The following NELL1 variants were observed in gnomAD, a reference collection of about 807,000 sequenced individuals.
NELL1 encodes the protein neural EGFL like 1.
A neutral mutation model predicts 107.4 loss-of-function variants in NELL1; 76 were observed. The observed-to-expected ratio is 0.71, with a 90% CI of 0.59 to 0.86. NELL1 has a LOEUF of 0.86. Ranked by LOEUF, NELL1 falls within the 40% of genes least tolerant of loss-of-function variation. NELL1 has a pLI of 0.00. For missense variants in NELL1, 1,024 were observed against 1,005.5 expected (o/e 1.02, Z -0.25); for synonymous variants, 353 against 341.2 (o/e 1.03, Z -0.38).
chr11:21,285,571 A>G (rs1232500299), intron 14 of NELL1, among the ~76,000 whole-genome samples: 1 of 152,132 alleles, frequency 6.6e-6, no homozygotes, highest in Non-Finnish European at 1.5e-5. Context: ...GTTCTGTTTC[A>G]CACATGAACA....
chr11:21,124,662 T>G (rs1012697846), intron 13 of NELL1, among the ~76,000 whole-genome samples: 1 of 151,002 alleles, frequency 6.6e-6, no homozygotes. Flanking sequence ...AGTGCAATGG[T>G]GCGATCTCGG....
chr11:21,137,434 T>G (rs974833836), intron 13 of NELL1, among the ~76,000 whole-genome samples: 2 of 152,166 alleles, frequency 1.3e-5, no homozygotes, highest in Non-Finnish European at 2.9e-5. Context: ...TCCATTGTAT[T>G]TGGCAAGAAG....
intron 12 of NELL1, among the ~76,000 whole-genome samples, chr11:21,072,901 A>C (rs1043499516): frequency 9.9e-5 from 15 of 152,126 alleles, no homozygotes; most frequent in Admixed American, 2.6e-4. Context: ...TGTAGCCCAT[A>C]TTTCATTAAC....
At chr11:21,258,172 G>T (rs80233277) in intron 14 of NELL1, among the ~76,000 whole-genome samples, 1,573 of 152,156 alleles carry the variant, frequency 0.01, 33 homozygotes, top group African/African-American at 0.037. Flanking sequence ...AGAAAAAAAT[G>T]TTATGTGACT....
chr11:21,264,705 G>A (rs1848603060), intron 14 of NELL1, among the ~76,000 whole-genome samples: 1 of 151,646 alleles, frequency 6.6e-6, no homozygotes, highest in African/African-American at 2.4e-5. Flanking sequence ...GACTTTTGGG[G>A]AAAACTCAGT....
intron 2 of NELL1, among the ~76,000 whole-genome samples, chr11:20,717,449 C>T (rs1590229974): frequency 6.6e-6 from 1 of 152,080 alleles, no homozygotes; most frequent in African/African-American, 2.4e-5. Context: ...TGTCTTTACA[C>T]AGTTCCTTTA....
At chr11:21,097,400 A>G (rs1293014416) in intron 12 of NELL1, among the ~76,000 whole-genome samples, 1 of 152,196 alleles carries the variant, frequency 6.6e-6, no homozygotes. Context: ...ACAGAGAACA[A>G]AGGACACCAG....
intron 12 of NELL1, among the ~76,000 whole-genome samples, chr11:21,112,454 T>C (rs958639798): frequency 1.3e-5 from 2 of 152,008 alleles, no homozygotes; most frequent in African/African-American, 4.8e-5. Flanking sequence ...ATTTGACTAA[T>C]CACCATTTTC....
At position 20,986,397 on chromosome 11, in the gene NELL1, C is replaced by T. The variant is rs1447078302; in HGVS notation, c.1300+25837C>T. The stretch of plus-strand genomic sequence containing the variant: ...ATTGCATTTTTCAGCTGGCCATTGT[C>T]ACCTTCACCTCCAATTTGGAGATGC... On this transcript the variant is annotated intron_variant, in intron 12 of 19. Coordinates refer to ENST00000357134, the MANE Select transcript of NELL1 (RefSeq NM_006157.5). 2.6e-5 allele frequency among the ~76,000 whole-genome samples: 4 copies of T among 152,168 alleles called. No individual in the cohort carries two copies. In the East Asian group the frequency reaches 7.7e-4, roughly 29 times the overall value.
At chr11:20,743,283 G>T (rs1477472524) in intron 2 of NELL1, among the ~76,000 whole-genome samples, 1 of 151,892 alleles carries the variant, frequency 6.6e-6, no homozygotes, top group African/African-American at 2.4e-5. Context: ...AACCCGGGGG[G>T]TGGTGGCTGC....
chr11:21,357,322 T>G (rs775955354), intron 14 of NELL1, among the ~76,000 whole-genome samples: 2 of 152,188 alleles, frequency 1.3e-5, no homozygotes, highest in Non-Finnish European at 2.9e-5. Context: ...ATCTTTATTG[T>G]TTTTTTACTT....
At chr11:20,950,818 G>T (rs990598373) in intron 11 of NELL1, among the ~76,000 whole-genome samples, 2 of 152,182 alleles carry the variant, frequency 1.3e-5, no homozygotes, top group African/African-American at 4.8e-5. Context: ...TGAGCACTGT[G>T]GTATGCTATA....
intron 14 of NELL1, among the ~76,000 whole-genome samples, chr11:21,272,369 A>T (rs537748239): frequency 2.0e-5 from 3 of 152,322 alleles, no homozygotes; most frequent in Admixed American, 6.5e-5. Flanking sequence ...GGCGCCTGCC[A>T]TTGCCAAGGC....
chr11:21,074,186 A>G (rs1026302524), intron 12 of NELL1, among the ~76,000 whole-genome samples: 3 of 152,162 alleles, frequency 2.0e-5, no homozygotes, highest in African/African-American at 4.8e-5. Flanking sequence ...CTGGGATTCT[A>G]TTAAAAATAC....
intron 1 of NELL1, among the ~76,000 whole-genome samples, chr11:20,672,988 G>A (rs910075549): frequency 0.029 from 1,096 of 37,592 alleles, 45 homozygotes; most frequent in African/African-American, 0.052. Context: ...CCCCCCCCCC[G>A]AGTAGCTGGG....
chr11:20,877,169 A>T (rs1198338000), intron 4 of NELL1, among the ~76,000 whole-genome samples: 1 of 152,212 alleles, frequency 6.6e-6, no homozygotes, highest in Admixed American at 6.5e-5. Flanking sequence ...ATATTCACTA[A>T]TGCCAGCTAA....
intron 12 of NELL1, among the ~76,000 whole-genome samples, chr11:20,993,386 C>A (rs1041521974): frequency 2.0e-5 from 3 of 152,128 alleles, no homozygotes; most frequent in Non-Finnish European, 4.4e-5. Context: ...CAGAAATGGG[C>A]TGTGGTAAAT....
intron 15 of NELL1, among the ~76,000 whole-genome samples, chr11:21,380,859 A>G (rs1355414927): frequency 6.6e-6 from 1 of 152,082 alleles, no homozygotes; most frequent in Non-Finnish European, 1.5e-5. Flanking sequence ...TATACTGAAA[A>G]GAGTACTGTA....
intron 5 of NELL1, among the ~76,000 whole-genome samples, chr11:20,889,724 G>A (rs1447920951): frequency 3.3e-5 from 5 of 152,222 alleles, no homozygotes. Context: ...GACTCATGGA[G>A]AGAAGGAGGA....
Sources: allele counts gnomAD v4.1 joint callset (sites outside exome capture counted in the v4.1 genomes callset), GRCh38; gene constraint gnomAD v4.1.1; transcripts MANE v1.5; gene names NCBI Gene and HGNC (gene_info 2026-07-23, HGNC 2026-07-21).